DEPDC1B: variants seen among roughly 807,000 people sequenced by gnomAD.
The protein encoded by DEPDC1B is DEP domain containing 1B.
A neutral mutation model predicts 66.5 loss-of-function variants in DEPDC1B; 51 were observed. The observed-to-expected ratio is 0.77, with a 90% CI of 0.61 to 0.97. The LOEUF is 0.97. DEPDC1B is among the 50% of genes least tolerant of loss of function. The pLI, the probability that DEPDC1B is intolerant of heterozygous loss-of-function variation, is 0.00. For missense variants in DEPDC1B, 552 were observed against 637.1 expected (o/e 0.87, Z 1.44); for synonymous variants, 226 against 223.6 (o/e 1.01, Z -0.10).
chr5:60,674,735 T>C (rs977219989), intron 2 of DEPDC1B, among the ~76,000 whole-genome samples: 8 of 152,200 alleles, frequency 5.3e-5, no homozygotes, highest in African/African-American at 1.9e-4. Flanking sequence ...GTTATATCCA[T>C]CTGGGTTCTT....
chr5:60,638,708 A>G (rs770257076), intron 7 of DEPDC1B, 42 bp downstream of exon 7: 14 of 1,535,974 alleles, frequency 9.1e-6, no homozygotes, highest in Admixed American at 6.5e-5. Context: ...AAACGATTCA[A>G]TATCAGTGAT....
Position 60,597,828 on chromosome 5 carries a change from C to T in DEPDC1B, c.1515G>A (p.Pro505=), listed in dbSNP as rs749788502. 4.7e-5 allele frequency: 76 copies of T among 1,613,240 alleles called. No homozygotes were observed. Among genetic ancestry groups the T allele is most frequent in the African/African-American group, 2.0e-4 (15 of 74,812 alleles). The change falls in exon 11 of 11, where the codon CCG becomes CCA. Residue 505 remains proline (P), a synonymous_variant. Coordinates refer to ENST00000265036, the MANE Select transcript of DEPDC1B (RefSeq NM_018369.3). ...GTGCCCACATTAGCAGCTGTGGTTT[C>T]GGTTTGGGTTTTTCAGGAAACAGAA... The part of the protein sequence containing the change: ...AALLFPEKPK[P]KPQLLMWALK...
chr5:60,629,188 A>G (rs774810408), intron 7 of DEPDC1B, among the ~76,000 whole-genome samples: 2 of 152,198 alleles, frequency 1.3e-5, no homozygotes, highest in Non-Finnish European at 2.9e-5. Flanking sequence ...TGAATTTTTT[A>G]TGGTGAAGAG....
intron 1 of DEPDC1B, 35 bp downstream of exon 1, chr5:60,700,011 G>A: frequency 1.3e-6 from 2 of 1,547,420 alleles, no homozygotes; most frequent in Non-Finnish European, 1.7e-6. Flanking sequence ...TCGCGGCACC[G>A]GGTGCTCCGC....
intron 2 of DEPDC1B, among the ~76,000 whole-genome samples, chr5:60,657,061 T>A (rs1211999508): frequency 6.6e-6 from 1 of 152,250 alleles, no homozygotes; most frequent in Non-Finnish European, 1.5e-5. Context: ...TTGTCTTTTT[T>A]AACTATTGTT....
At chr5:60,699,913 G>T in intron 1 of DEPDC1B, 133 bp downstream of exon 1, 1 of 1,095,740 alleles carries the variant, frequency 9.1e-7, no homozygotes. Flanking sequence ...AGCCCCAGTA[G>T]TCCCAGCTGA....
chr5:60,673,222 G>C lies in DEPDC1B; in HGVS notation c.314+13740C>G, dbSNP rs1293287852. Among the ~76,000 whole-genome samples the C allele has an allele frequency of 2.0e-5, 3 of 152,276 alleles. No homozygotes were observed. The East Asian group carries it at 5.8e-4, about 29-fold the overall frequency. ...AACTATTCTCTGACTGATTCAAGCA[G>C]AGTTAATTCCTCAGCCCTCCTATAA... On this transcript the variant is annotated intron_variant, in intron 2 of 10. Coordinates refer to ENST00000265036, the MANE Select transcript of DEPDC1B (RefSeq NM_018369.3).
At chr5:60,633,538 C>A (rs187859655) in intron 7 of DEPDC1B, among the ~76,000 whole-genome samples, 1 of 152,308 alleles carries the variant, frequency 6.6e-6, no homozygotes, top group East Asian at 1.9e-4. Flanking sequence ...GGTTGGCCTG[C>A]TGGAGGGAGA....
chr5:60,605,925 T>C (rs1561354998), intron 7 of DEPDC1B, 69 bp from the exon 8 acceptor site: 1 of 1,326,394 alleles, frequency 7.5e-7, no homozygotes, highest in Admixed American at 2.4e-5. Flanking sequence ...TGGTTGTATT[T>C]TAACAAAATA....
intron 7 of DEPDC1B, among the ~76,000 whole-genome samples, chr5:60,612,894 A>G (rs1039251445): frequency 6.6e-6 from 1 of 152,202 alleles, no homozygotes; most frequent in Non-Finnish European, 1.5e-5. Context: ...TCTGGTTTCC[A>G]TCATTGCCAC....
At chr5:60,627,476 T>G (rs1752830516) in intron 7 of DEPDC1B, among the ~76,000 whole-genome samples, 1 of 152,116 alleles carries the variant, frequency 6.6e-6, no homozygotes, top group South Asian at 2.1e-4. Flanking sequence ...TGTAACTGTT[T>G]TATTATTTGG....
At chr5:60,622,194 C>T (rs867370371) in intron 7 of DEPDC1B, among the ~76,000 whole-genome samples, 7 of 152,092 alleles carry the variant, frequency 4.6e-5, no homozygotes, top group Admixed American at 6.6e-5. Flanking sequence ...AAAACTCTTC[C>T]GCCCCCCCAA....
chr5:60,651,115 C>A (rs1753440818), intron 2 of DEPDC1B, among the ~76,000 whole-genome samples: 1 of 152,172 alleles, frequency 6.6e-6, no homozygotes, highest in Admixed American at 6.6e-5. Context: ...TAAAGGAGCA[C>A]CAAAATTCCA....
In DEPDC1B at chr5:60,665,375, A is replaced by G. The variant is rs529669017; in HGVS notation, c.315-17842T>C. 1.1e-4 allele frequency among the ~76,000 whole-genome samples: 16 copies of G among 152,308 alleles called. No homozygotes were observed. In the East Asian group the frequency reaches 3.1e-3, roughly 29 times the overall value. The stretch of plus-strand genomic sequence containing the variant: ...GGCCTGTAAAGTGTGCCAAAGAAAT[A>G]ATCCCCTGCACTTCAGGCTATACAT... On this transcript the variant is annotated intron_variant, in intron 2 of 10. Coordinates refer to ENST00000265036, the MANE Select transcript of DEPDC1B (RefSeq NM_018369.3).
At position 60,699,443 on chromosome 5, in the gene DEPDC1B, G is replaced by GAA. The variant is rs528758437; in HGVS notation, c.48+601_48+602dup. 5.5e-3 allele frequency among the ~76,000 whole-genome samples: 487 copies of GAA among 89,354 alleles called. 26 individuals are homozygous for GAA. Among genetic ancestry groups the GAA allele is most frequent in the East Asian group, 0.026 (85 of 3,284 alleles). The allele number at this position is 89,354 out of a possible 152,430, so 58.6% of individuals were successfully genotyped here. A position where few individuals can be genotyped will look rare whatever the true frequency, so the allele number is the denominator to read the frequency against. On this transcript the variant is annotated intron_variant, in intron 1 of 10. Transcript: ENST00000265036. ...CCTCAATACCAAAGCTTTTCTCCCA[G>GAA]AAAAAAAAAAAAAAAAAAACAGGAA...
intron 7 of DEPDC1B, among the ~76,000 whole-genome samples, chr5:60,626,432 C>T (rs553609947): frequency 1.3e-5 from 2 of 152,070 alleles, no homozygotes; most frequent in Non-Finnish European, 1.5e-5. Context: ...TTTGGGTGTA[C>T]ATCTAAAAGT....
At chr5:60,647,311 T>TA in intron 3 of DEPDC1B, 87 bp downstream of exon 3, 1 of 1,472,618 alleles carries the variant, frequency 6.8e-7, no homozygotes, top group Non-Finnish European at 9.0e-7. Context: ...TTATTGTTCA[T>TA]AAAGGACCAC....
Position 60,687,128 on chromosome 5 carries a change from C to T in DEPDC1B, c.148G>A (p.Val50Met). 6.2e-7 allele frequency: 1 copy of T among 1,614,222 alleles called. No homozygotes were observed. ...YEHCFTAAEA[V>M]DWLHELLRCS... Reference sequence around the variant, plus strand: ...CTCAGCAGCTCATGCAGCCAATCCACAGCTTCGGCCGCTGTGAAACAATGC... The same window carrying T: ...CTCAGCAGCTCATGCAGCCAATCCATAGCTTCGGCCGCTGTGAAACAATGC... Residue 50 changes from valine (V) to methionine (M), a missense_variant, in exon 2 of 11, where the codon GTG becomes ATG. Physicochemically the swap from Val to Met is conservative, Grantham distance 21. Coordinates refer to ENST00000265036, the MANE Select transcript of DEPDC1B (RefSeq NM_018369.3).
At chr5:60,634,724 A>T (rs1159238261) in intron 7 of DEPDC1B, among the ~76,000 whole-genome samples, 1 of 151,692 alleles carries the variant, frequency 6.6e-6, no homozygotes, top group Non-Finnish European at 1.5e-5. Context: ...ATAAATAAAT[A>T]GCTTGTGTAT....
Sources: allele counts gnomAD v4.1 joint callset (sites outside exome capture counted in the v4.1 genomes callset), GRCh38; gene constraint gnomAD v4.1.1; transcripts MANE v1.5; gene names NCBI Gene and HGNC (gene_info 2026-07-23, HGNC 2026-07-21).